The following RSPO3 variants were observed in gnomAD, a reference collection of about 807,000 sequenced individuals.
RSPO3 encodes the protein R-spondin-3.
In RSPO3, 17 loss-of-function variants were observed where a neutral mutation model predicts 36.5. The ratio of observed to expected loss-of-function variants is 0.47; its 90% CI spans 0.32 to 0.70. The LOEUF (loss-of-function observed/expected upper bound fraction) is 0.70, where lower values mean the gene tolerates loss of function less well. RSPO3 is among the 30% of genes least tolerant of loss of function. The probability of loss-of-function intolerance (pLI) is 0.04; values close to 1 mark genes in which losing one functional copy is unlikely to be tolerated. For missense variants in RSPO3, 294 were observed against 322.5 expected, an observed-to-expected ratio of 0.91 and a Z score of 0.68; for synonymous variants, 108 against 107.0, an observed-to-expected ratio of 1.01 and a Z score of -0.06.
At position 127,180,199 on chromosome 6, in the gene RSPO3, A is replaced by T. The variant is rs182066920; in HGVS notation, c.635-15624A>T. Among the ~76,000 whole-genome samples, 357 of 151,950 alleles carry T rather than the reference A, an allele frequency of 2.3e-3. 2 individuals carry two copies. Among genetic ancestry groups the T allele is most frequent in the African/African-American group, 8.5e-3 (353 of 41,514 alleles). ...AGAGAAGGAGAGGAACTTTCCATTG[A>T]GAAGCAACATCAATAAAATCACAAA... On this transcript the variant is annotated intron_variant, in intron 4 of 4. Coordinates refer to ENST00000356698, the MANE Select transcript of RSPO3 (RefSeq NM_032784.5).
intron 4 of RSPO3, among the ~76,000 whole-genome samples, chr6:127,184,785 T>G (rs192430952): frequency 7.3e-4 from 111 of 152,094 alleles, no homozygotes; most frequent in Non-Finnish European, 1.3e-4. Flanking sequence ...TGTGAAAGGA[T>G]GACACTCTCT....
At chr6:127,150,798 G>A (rs1009382730) in intron 3 of RSPO3, among the ~76,000 whole-genome samples, 11 of 148,102 alleles carry the variant, frequency 7.4e-5, no homozygotes, top group African/African-American at 2.7e-4. Context: ...TATTTCTTAG[G>A]GACTATTGAT....
At chr6:127,144,292 A>T (rs1436828210) in intron 1 of RSPO3, among the ~76,000 whole-genome samples, 1 of 151,942 alleles carries the variant, frequency 6.6e-6, no homozygotes, top group Admixed American at 6.6e-5. Context: ...ACTCATATCT[A>T]CCCCCATTAC....
At chr6:127,128,529 A>G (rs946046515) in intron 1 of RSPO3, among the ~76,000 whole-genome samples, 5 of 152,136 alleles carry the variant, frequency 3.3e-5, no homozygotes, top group African/African-American at 9.7e-5. Context: ...AATAATGACT[A>G]TTGCAGCTAA....
intron 1 of RSPO3, among the ~76,000 whole-genome samples, chr6:127,128,314 T>C (rs576807631): frequency 3.3e-5 from 5 of 152,180 alleles, no homozygotes; most frequent in African/African-American, 9.6e-5. Flanking sequence ...TTTTCCGCCC[T>C]GAGGTCACAT....
rs60017272 is a variant in RSPO3, at chr6:127,191,146, T to G, written c.635-4677T>G. On this transcript the variant is annotated intron_variant, in intron 4 of 4. Transcript: ENST00000356698. ...TTATATCTGGGTGCCTATTCCAAAT[T>G]TATCTATTAAGAAAACTTGCCTTAA... Among the ~76,000 whole-genome samples the G allele has an allele frequency of 5.4e-3, 826 of 152,292 alleles. 6 individuals carry two copies. The highest frequency in any genetic ancestry group is 0.018 in the African/African-American group (751 of 41,552).
At chr6:127,162,212 G>T (rs1296027941) in intron 4 of RSPO3, among the ~76,000 whole-genome samples, 1 of 152,176 alleles carries the variant, frequency 6.6e-6, no homozygotes, top group Non-Finnish European at 1.5e-5. Context: ...GCCTAGTCCT[G>T]ATTCAAGAGT....
intron 4 of RSPO3, among the ~76,000 whole-genome samples, chr6:127,177,204 T>C (rs1191674057): frequency 6.6e-6 from 1 of 151,906 alleles, no homozygotes; most frequent in East Asian, 1.9e-4. Flanking sequence ...CATCAAAAAC[T>C]GTAACATGTT....
intron 1 of RSPO3, among the ~76,000 whole-genome samples, chr6:127,122,211 C>G (rs1773859527): frequency 6.6e-6 from 1 of 152,156 alleles, no homozygotes; most frequent in Non-Finnish European, 1.5e-5. Context: ...TTATTACAAA[C>G]TAGTGTTTCT....
Position 127,133,621 on chromosome 6 carries a change from G to A in RSPO3, c.97+14332G>A, listed in dbSNP as rs1774098232. Among the ~76,000 whole-genome samples the A allele has an allele frequency of 3.3e-5, 5 of 151,478 alleles. No homozygotes were observed. The South Asian group carries it at 8.3e-4, about 25-fold the overall frequency. On this transcript the variant is annotated intron_variant, in intron 1 of 4. Transcript: ENST00000356698. ...ATGCTCTAACCTTAGATAGTTGCCC[G>A]TCCAAATGTCTAGAATGCTGAGTTA...
At chr6:127,152,307 G>T (rs986846205) in intron 3 of RSPO3, among the ~76,000 whole-genome samples, 1 of 152,032 alleles carries the variant, frequency 6.6e-6, no homozygotes, top group South Asian at 2.1e-4. Flanking sequence ...TTCATTCAGG[G>T]CTGGCTCCGG....
At chr6:127,188,353 G>A (rs1256814766) in intron 4 of RSPO3, among the ~76,000 whole-genome samples, 3 of 152,156 alleles carry the variant, frequency 2.0e-5, no homozygotes, top group Non-Finnish European at 4.4e-5. Flanking sequence ...TGTGATTACT[G>A]ATATTTATGA....
At chr6:127,167,926 C>CA (rs1774854812) in intron 4 of RSPO3, among the ~76,000 whole-genome samples, 1 of 151,784 alleles carries the variant, frequency 6.6e-6, no homozygotes, top group Non-Finnish European at 1.5e-5. Flanking sequence ...CATGTCCCTA[C>CA]AAAGGACATG....
intron 4 of RSPO3, among the ~76,000 whole-genome samples, chr6:127,179,258 T>C (rs1485425029): frequency 1.3e-5 from 2 of 151,804 alleles, no homozygotes; most frequent in Non-Finnish European, 2.9e-5. Context: ...AATAATTAGA[T>C]TGAGAGTAGA....
chr6:127,133,822 T>C (rs1379211385), intron 1 of RSPO3, among the ~76,000 whole-genome samples: 1 of 152,138 alleles, frequency 6.6e-6, no homozygotes, highest in Non-Finnish European at 1.5e-5. Context: ...ATTTAATAGC[T>C]CTTTATTAAA....
intron 1 of RSPO3, among the ~76,000 whole-genome samples, chr6:127,136,079 C>T (rs1318534222): frequency 3.3e-5 from 5 of 152,266 alleles, no homozygotes; most frequent in African/African-American, 1.2e-4. Context: ...ATTGAAGTCA[C>T]TTTGCAGTGG....
chr6:127,194,132 G>T (rs1456491621), intron 4 of RSPO3, among the ~76,000 whole-genome samples: 7 of 152,100 alleles, frequency 4.6e-5, no homozygotes, highest in Admixed American at 4.6e-4. Context: ...CAAGGAGACC[G>T]TATTGGCGTA....
At chr6:127,193,359 G>A (rs144301073) in intron 4 of RSPO3, among the ~76,000 whole-genome samples, 1 of 152,204 alleles carries the variant, frequency 6.6e-6, no homozygotes, top group Admixed American at 6.5e-5. Flanking sequence ...GACCAAGGAA[G>A]AAACAATACA....
Position 127,198,540 on chromosome 6 carries a change from A to C in RSPO3, c.*2533A>C, listed in dbSNP as rs1020661792. Among the ~76,000 whole-genome samples the C allele has an allele frequency of 1.1e-4, 16 of 152,340 alleles. No homozygotes were observed. The highest frequency in any genetic ancestry group is 2.6e-4 in the Admixed American group (4 of 15,302). On this transcript the variant is annotated 3_prime_UTR_variant, in exon 5 of 5. Transcript: ENST00000356698. ...GGGTAAACTGTTGATAGTTTACCCC[A>C]TCAACAGATGGTCGGTAAATTATTG...
Sources: gnomAD v4.1 joint callset for allele counts (sites outside exome capture counted in the v4.1 genomes callset) on GRCh38, gnomAD v4.1.1 for gene constraint, MANE v1.5 for transcripts, NCBI Gene and HGNC (gene_info 2026-07-23, HGNC 2026-07-21) for gene names.